The following TEX11 variants were observed in gnomAD, a reference collection of about 807,000 sequenced individuals.
TEX11 encodes testis expressed 11, also known as testis-expressed protein 11.
In TEX11, 7 loss-of-function variants were observed where a neutral mutation model predicts 84.4. The observed-to-expected ratio is 0.08, with a 90% CI of 0.05 to 0.16. The LOEUF is 0.16. Among genes scored for constraint, TEX11 ranks in the 10% least tolerant of loss-of-function variants. The probability of loss-of-function intolerance (pLI) is 1.00; values close to 1 mark genes in which losing one functional copy is unlikely to be tolerated. For synonymous variants in TEX11, 264 were observed against 222.8 expected (o/e 1.18, Z -1.64); for missense variants, 551 against 660.5 (o/e 0.83, Z 1.82).
At chrX:70,597,633 G>A (rs2089025438) in intron 24 of TEX11, among the ~76,000 whole-genome samples, 2 of 111,871 alleles carry the variant, frequency 1.8e-5, no homozygotes, top group African/African-American at 6.5e-5. Flanking sequence ...ATGGATCACA[G>A]ATCTACATGT....
intron 13 of TEX11, among the ~76,000 whole-genome samples, chrX:70,695,902 A>C (rs1016266551): frequency 8.9e-6 from 1 of 112,186 alleles, no homozygotes; most frequent in Non-Finnish European, 1.9e-5. Context: ...GTGAGAATTC[A>C]CTATGTATTA....
intron 2 of TEX11, among the ~76,000 whole-genome samples, chrX:70,886,585 G>T (rs1012885283): frequency 9.0e-6 from 1 of 111,518 alleles, no homozygotes; most frequent in Non-Finnish European, 1.9e-5. Context: ...CATATTAAAC[G>T]TTCTTACCAC....
rs765516423 is a variant in TEX11 at position 70,660,765 on chromosome X, G to A, written c.1381-9213C>T. Among the ~76,000 whole-genome samples the A allele has an allele frequency of 1.1e-4, 12 of 112,574 alleles. No individual in the cohort carries two copies. In the South Asian group the frequency reaches 4.5e-3, roughly 42 times the overall value. On this transcript the variant is annotated intron_variant, in intron 16 of 29. Transcript: ENST00000374333. ...AAATAGCAATAAAAGGCTGGGCGAG[G>A]TGGCTCACGCCTGTAATCCCAACAC... is the stretch of plus-strand genomic sequence containing the variant.
intron 17 of TEX11, among the ~76,000 whole-genome samples, chrX:70,648,647 G>A (rs956174300): frequency 5.6e-4 from 62 of 111,086 alleles, no homozygotes; most frequent in Non-Finnish European, 2.5e-4. Flanking sequence ...AAACATTAGG[G>A]AAATGCTAAT....
chrX:70,596,702 A>C (rs1350591612), intron 24 of TEX11, among the ~76,000 whole-genome samples: 1 of 110,679 alleles, frequency 9.0e-6, no homozygotes, highest in Non-Finnish European at 1.9e-5. Flanking sequence ...TCAAATCAGT[A>C]ACTCCAAGTT....
intron 13 of TEX11, among the ~76,000 whole-genome samples, chrX:70,706,104 T>C (rs969106953): frequency 6.3e-5 from 7 of 111,489 alleles, no homozygotes; most frequent in Non-Finnish European, 1.1e-4. Flanking sequence ...GTGGCACATA[T>C]ACACCATGGA....
intron 15 of TEX11, among the ~76,000 whole-genome samples, chrX:70,673,805 G>GA (rs1440422376): frequency 8.9e-6 from 1 of 111,899 alleles, no homozygotes; most frequent in Non-Finnish European, 1.9e-5. Flanking sequence ...ATACCACACA[G>GA]TCTAGATTAC....
intron 17 of TEX11, among the ~76,000 whole-genome samples, chrX:70,644,364 C>T (rs1268312535): frequency 1.3e-3 from 123 of 94,650 alleles, no homozygotes; most frequent in Middle Eastern, 5.6e-3. Flanking sequence ...GTCAGTGTGG[C>T]GATTCCTCAG....
chrX:70,520,116 T>A, the TEX11 span, among the ~76,000 whole-genome samples: 2 of 112,173 alleles, frequency 1.8e-5, no homozygotes, highest in South Asian at 7.5e-4. Flanking sequence ...AGCCTAGTTC[T>A]GTGAACTCAT....
intron 25 of TEX11, among the ~76,000 whole-genome samples, chrX:70,586,581 A>G (rs1348376291): frequency 3.6e-5 from 4 of 112,119 alleles, no homozygotes; most frequent in Non-Finnish European, 7.5e-5. Flanking sequence ...AAGATGCTCA[A>G]CATCTTTAGT....
chrX:70,592,007 C>G (rs2088938359), intron 24 of TEX11, among the ~76,000 whole-genome samples, 184 bp from the exon 25 acceptor site: 1 of 111,830 alleles, frequency 8.9e-6, no homozygotes, highest in African/African-American at 3.2e-5. Context: ...CATTTCCTTA[C>G]TGTTTCAGAA....
In TEX11 at chrX:70,675,563, T is replaced by C. The variant is rs181135411; in HGVS notation, c.1242+3241A>G. ...TCTTTTCTTTTTCTTTTTCTTTTCTTTTCCTCTCTCTCTCTCTCTTCTTTC... is the reference window on the plus strand; with the variant it reads ...TCTTTTCTTTTTCTTTTTCTTTTCTCTTCCTCTCTCTCTCTCTCTTCTTTC... On this transcript the variant is annotated intron_variant, in intron 15 of 29. Transcript: ENST00000374333. 6.3e-3 allele frequency among the ~76,000 whole-genome samples: 688 copies of C among 109,837 alleles called. 2 individuals are homozygous for C. The highest frequency in any genetic ancestry group is 0.01 in the Non-Finnish European group (545 of 52,556).
At chrX:70,649,765 C>T (rs1033795560) in intron 17 of TEX11, among the ~76,000 whole-genome samples, 1 of 110,952 alleles carries the variant, frequency 9.0e-6, no homozygotes, top group Non-Finnish European at 1.9e-5. Flanking sequence ...CAGAGCAAGA[C>T]CCCATCTCAA....
intron 17 of TEX11, among the ~76,000 whole-genome samples, chrX:70,632,044 A>G (rs2089516521): frequency 1.0e-5 from 1 of 98,610 alleles, no homozygotes; most frequent in Admixed American, 1.1e-4. Flanking sequence ...ATATTAACAA[A>G]TGGGAAAATC....
At chrX:70,816,822 G>A (rs948439282) in intron 8 of TEX11, among the ~76,000 whole-genome samples, 3 of 111,122 alleles carry the variant, frequency 2.7e-5, no homozygotes, top group Non-Finnish European at 5.7e-5. Flanking sequence ...AAGGTAAAGG[G>A]AGTCAGAGTA....
chrX:70,512,800 G>A, the TEX11 span, among the ~76,000 whole-genome samples: 15 of 108,409 alleles, frequency 1.4e-4, no homozygotes, highest in Middle Eastern at 4.7e-3. Context: ...CATGACTATC[G>A]CCTTTGATCA....
chrX:70,605,254 T>C (rs987010928), intron 24 of TEX11, 147 bp downstream of exon 24: 1 of 375,241 alleles, frequency 2.7e-6, no homozygotes, highest in African/African-American at 2.6e-5. Context: ...AGGAAGGAAT[T>C]AGCCATTACA....
chrX:70,579,284 C>T (rs1305174075), intron 25 of TEX11, among the ~76,000 whole-genome samples: 4 of 104,631 alleles, frequency 3.8e-5, no homozygotes, highest in South Asian at 4.5e-4. Flanking sequence ...GTCAGGAGAT[C>T]GAGACCATCC....
At chrX:70,562,701 T>A (rs1171544897) in intron 25 of TEX11, among the ~76,000 whole-genome samples, 1 of 112,117 alleles carries the variant, frequency 8.9e-6, no homozygotes, top group Non-Finnish European at 1.9e-5. Context: ...TAAAATCTAC[T>A]CTTTGTGGCA....
Sources: allele counts gnomAD v4.1 joint callset (sites outside exome capture counted in the v4.1 genomes callset), GRCh38; gene constraint gnomAD v4.1.1; transcripts MANE v1.5; gene names NCBI Gene and HGNC (gene_info 2026-07-23, HGNC 2026-07-21).